MYO16: variants seen among roughly 807,000 people sequenced by gnomAD.
The protein encoded by MYO16 is unconventional myosin-XVI.
MYO16 carries 94 observed loss-of-function variants against 205.3 expected under a neutral mutation model. The observed-to-expected ratio is 0.46, with a 90% CI of 0.39 to 0.54. The LOEUF (loss-of-function observed/expected upper bound fraction) is 0.54. MYO16 is among the 20% of genes least tolerant of loss of function. MYO16 has a pLI of 0.00. For synonymous variants in MYO16, 988 were observed against 954.0 expected (o/e 1.04, Z -0.66); for missense variants, 2,315 against 2,387.5 (o/e 0.97, Z 0.63).
Position 108,618,917 on chromosome 13 carries a change from G to C in MYO16, c.-39+22678G>C, listed in dbSNP as rs530499948. 2.0e-5 allele frequency among the ~76,000 whole-genome samples: 3 copies of C among 151,608 alleles called. No homozygotes were observed. The East Asian group carries it at 5.8e-4, about 29-fold the overall frequency. On this transcript the variant is annotated intron_variant, in intron 1 of 24. Transcript: ENST00000251041. Reference sequence around the variant, plus strand: ...TTAATGTATCTCTCTATATTTATACGTGTGCAACCACCACGAGATCAAAAT... The same window carrying C: ...TTAATGTATCTCTCTATATTTATACCTGTGCAACCACCACGAGATCAAAAT...
intron 1 of MYO16, among the ~76,000 whole-genome samples, chr13:108,601,170 G>A (rs1878750097): frequency 6.6e-6 from 1 of 152,028 alleles, no homozygotes; most frequent in South Asian, 2.1e-4. Flanking sequence ...GCAGATGTGT[G>A]TCCCATGGAG....
At chr13:108,823,429 G>A (rs557561865) in intron 9 of MYO16, 151 bp downstream of exon 9, 3 of 588,232 alleles carry the variant, frequency 5.1e-6, no homozygotes, top group South Asian at 1.1e-4. Flanking sequence ...TTACAGTGAT[G>A]AGTTAAACAT....
intron 33 of MYO16, chr13:109,167,033 G>C (rs1287771266): frequency 6.6e-6 from 1 of 152,278 alleles, no homozygotes; most frequent in African/African-American, 2.4e-5. Context: ...CTATTGGCAG[G>C]CCACAGAAGG....
intron 21 of MYO16, among the ~76,000 whole-genome samples, chr13:108,999,114 T>C (rs1269835672): frequency 6.6e-6 from 1 of 152,174 alleles, no homozygotes; most frequent in Non-Finnish European, 1.5e-5. Context: ...TGGGTAATGG[T>C]TGCTATATTA....
At chr13:108,689,158 G>T (rs1882797607) in intron 2 of MYO16, among the ~76,000 whole-genome samples, 1 of 151,750 alleles carries the variant, frequency 6.6e-6, no homozygotes, top group Non-Finnish European at 1.5e-5. Context: ...TTGTTGATAT[G>T]ACAACAATTT....
chr13:108,915,834 G>A (rs532051662), intron 16 of MYO16, among the ~76,000 whole-genome samples: 2 of 152,270 alleles, frequency 1.3e-5, no homozygotes, highest in East Asian at 3.9e-4. Context: ...TTGACTCAGA[G>A]CATGTGACCT....
At chr13:108,941,782 T>C (rs1175333876) in intron 16 of MYO16, among the ~76,000 whole-genome samples, 1 of 152,096 alleles carries the variant, frequency 6.6e-6, no homozygotes, top group African/African-American at 2.4e-5. Context: ...TTAAAGAGTT[T>C]TCCTGAAACA....
intron 27 of MYO16, among the ~76,000 whole-genome samples, chr13:109,057,693 C>T (rs1353394339): frequency 2.0e-5 from 3 of 152,090 alleles, no homozygotes; most frequent in Non-Finnish European, 4.4e-5. Flanking sequence ...GCCCTCCCAC[C>T]TTCTTAAGTG....
chr13:108,695,518 T>A (rs1883057991), intron 2 of MYO16, among the ~76,000 whole-genome samples: 1 of 151,974 alleles, frequency 6.6e-6, no homozygotes, highest in Admixed American at 6.6e-5. Context: ...TCCCTTGCAA[T>A]CTCATATGAA....
intron 34 of MYO16, among the ~76,000 whole-genome samples, chr13:109,196,166 T>TGA (rs1880142455): frequency 6.6e-6 from 1 of 152,270 alleles, no homozygotes; most frequent in South Asian, 2.1e-4. Flanking sequence ...TCCTAGATGT[T>TGA]GAGAGACACA....
intron 21 of MYO16, among the ~76,000 whole-genome samples, chr13:109,004,220 T>G (rs569577314): frequency 1.3e-5 from 2 of 152,306 alleles, no homozygotes; most frequent in Admixed American, 1.3e-4. Flanking sequence ...TTTAAATGAT[T>G]CAATGTATTT....
Position 109,181,824 on chromosome 13 carries a change from T to TA in MYO16, c.5415+2191_5415+2192insA, listed in dbSNP as rs1566552183. Among the ~76,000 whole-genome samples, 491 of 148,408 alleles carry TA rather than the reference T, an allele frequency of 3.3e-3. 1 individual carries two copies. The highest frequency in any genetic ancestry group is 0.014 in the Middle Eastern group (4 of 292). On this transcript the variant is annotated intron_variant, in intron 34 of 34. Coordinates refer to ENST00000457511, the MANE Select transcript of MYO16 (RefSeq NM_001198950.3). ...AATTTATTTATTTATTTATTTTATT[T>TA]TATTTTTTTTTTTGAGACAGAGTTT...
At chr13:108,805,806 A>G (rs888895914) in intron 6 of MYO16, among the ~76,000 whole-genome samples, 3 of 151,950 alleles carry the variant, frequency 2.0e-5, no homozygotes, top group Non-Finnish European at 4.4e-5. Flanking sequence ...GGGGCTGGAC[A>G]TGGTGGATCA....
chr13:109,127,608 G>A lies in MYO16; in HGVS notation c.4051+58G>A, dbSNP rs1319125353. On this transcript the variant is annotated intron_variant, in intron 31 of 34. Transcript: ENST00000457511. This position sits in a 1 kb window ranked among gnomAD's most constrained non-coding sequence, Gnocchi z 4.2. ...CCGGGCTCGCGCATGCTCTGACTTCGCCTTGGGGCGCCCATGGCAGTACTG... is the reference window on the plus strand; with the variant it reads ...CCGGGCTCGCGCATGCTCTGACTTCACCTTGGGGCGCCCATGGCAGTACTG... The A allele has an allele frequency of 1.2e-5, 18 of 1,560,172 alleles. No homozygotes were observed. The South Asian group carries it at 1.7e-4, about 15-fold the overall frequency.
chr13:109,059,229 G>A (rs1046306042), intron 27 of MYO16, among the ~76,000 whole-genome samples: 1 of 152,130 alleles, frequency 6.6e-6, no homozygotes, highest in Non-Finnish European at 1.5e-5. Context: ...TTAGAATGGT[G>A]AATACTTTCC....
At position 108,684,834 on chromosome 13, in the gene MYO16, G is replaced by T. The variant is rs920840974; in HGVS notation, c.292+18685G>T. Among the ~76,000 whole-genome samples the T allele has an allele frequency of 2.0e-5, 3 of 152,164 alleles. No homozygotes were observed. In the South Asian group the frequency reaches 6.2e-4, roughly 32 times the overall value. ...AACACACTGGGGAGCTGTGAGGGCCGCCTGGTGAGCCTGGAAGCTCCATGC... is the reference window on the plus strand; with the variant it reads ...AACACACTGGGGAGCTGTGAGGGCCTCCTGGTGAGCCTGGAAGCTCCATGC... On this transcript the variant is annotated intron_variant, in intron 2 of 34. Transcript: ENST00000457511.
At position 108,723,150 on chromosome 13, in the gene MYO16, AT is replaced by A. The variant is rs909107177; in HGVS notation, c.364-4283del. Among the ~76,000 whole-genome samples the A allele has an allele frequency of 4.6e-4, 41 of 89,412 alleles. 3 individuals are homozygous for A. Among genetic ancestry groups the A allele is most frequent in the East Asian group, 2.8e-3 (13 of 4,698 alleles). 58.7% of individuals were successfully genotyped at this position (89,412 alleles called of 152,430 possible). A position where few individuals can be genotyped will look rare whatever the true frequency, so the allele number is the denominator to read the frequency against. On this transcript the variant is annotated intron_variant, in intron 3 of 34. Coordinates refer to ENST00000457511, the MANE Select transcript of MYO16 (RefSeq NM_001198950.3). ...ATTGTGAACTGTAATTTGAACACCC[AT>A]TTTTTTGGTGAAGTGAGAGATTAAA...
intron 34 of MYO16, among the ~76,000 whole-genome samples, chr13:109,195,556 T>C (rs748379785): frequency 7.2e-5 from 11 of 152,182 alleles, no homozygotes; most frequent in Non-Finnish European, 2.9e-5. Flanking sequence ...TTCAACATTT[T>C]TTATTCTTCA....
At chr13:108,719,766 C>T (rs1785216022) in intron 3 of MYO16, among the ~76,000 whole-genome samples, 2 of 152,276 alleles carry the variant, frequency 1.3e-5, no homozygotes, top group South Asian at 4.2e-4. Flanking sequence ...TGCTGTGACT[C>T]CATAGAATGC....
Sources: allele counts gnomAD v4.1 joint callset (sites outside exome capture counted in the v4.1 genomes callset), GRCh38; gene constraint gnomAD v4.1.1; non-coding constraint Gnocchi (gnomAD v3.1); transcripts MANE v1.5; gene names NCBI Gene and HGNC (gene_info 2026-07-23, HGNC 2026-07-21).